The following NBAS variants were observed in gnomAD, a reference collection of about 807,000 sequenced individuals.
NBAS encodes the protein NAG/BC035112 fusion.
In NBAS, 219 loss-of-function variants were observed where a neutral mutation model predicts 302.5. The observed-to-expected ratio is 0.72, with a 90% CI of 0.65 to 0.81. NBAS has a LOEUF of 0.81. Among genes scored for constraint, NBAS ranks in the 30% least tolerant of loss-of-function variants. NBAS has a pLI of 0.00. For synonymous variants in NBAS, 1,118 were observed against 1,021.6 expected (o/e 1.09, Z -1.80); for missense variants, 2,932 against 2,841.6 (o/e 1.03, Z -0.72).
intron 6 of NBAS, among the ~76,000 whole-genome samples, chr2:15,549,212 G>A (rs746811396): frequency 1.3e-5 from 2 of 151,994 alleles, no homozygotes; most frequent in Non-Finnish European, 2.9e-5. Context: ...TAACTTGCCC[G>A]AGGTTACCAG....
At chr2:15,353,347 A>T (rs567545685) in intron 34 of NBAS, among the ~76,000 whole-genome samples, 1 of 152,288 alleles carries the variant, frequency 6.6e-6, no homozygotes, top group African/African-American at 2.4e-5. Flanking sequence ...GCTGTCTTGT[A>T]TCCTTTCTTC....
chr2:15,177,797 C>T (rs995571927), intron 51 of NBAS, among the ~76,000 whole-genome samples: 1 of 152,142 alleles, frequency 6.6e-6, no homozygotes, highest in Non-Finnish European at 1.5e-5. Context: ...GGGAGGGCTA[C>T]GGAAAGGCAA....
the NBAS span, among the ~76,000 whole-genome samples, chr2:15,036,913 G>C: frequency 6.6e-6 from 1 of 152,066 alleles, no homozygotes; most frequent in Non-Finnish European, 1.5e-5. Context: ...AGACTCCCTA[G>C]GGGATACCCT....
intron 44 of NBAS, among the ~76,000 whole-genome samples, chr2:15,270,312 G>C (rs1653764773): frequency 6.6e-6 from 1 of 152,056 alleles, no homozygotes; most frequent in Admixed American, 6.5e-5. Context: ...TTACAGGCAT[G>C]CGCCATCATG....
intron 51 of NBAS, among the ~76,000 whole-genome samples, chr2:15,170,159 T>A (rs950487711): frequency 3.3e-5 from 5 of 152,316 alleles, no homozygotes; most frequent in African/African-American, 9.6e-5. Flanking sequence ...GAGGTAGTGA[T>A]GGATTCTTCC....
At chr2:15,160,586 G>A in the NBAS span, among the ~76,000 whole-genome samples, 5 of 127,788 alleles carry the variant, frequency 3.9e-5, no homozygotes, top group Admixed American at 7.6e-5. Context: ...CAGTGTGGGC[G>A]GGGGGAGGGG....
intron 32 of NBAS, among the ~76,000 whole-genome samples, chr2:15,357,690 A>AAT (rs1208734188): frequency 2.6e-5 from 4 of 152,192 alleles, no homozygotes; most frequent in East Asian, 3.9e-4. Context: ...CACACAGATG[A>AAT]ATATATATAT....
chr2:15,270,354 G>A (rs535631381), intron 44 of NBAS, among the ~76,000 whole-genome samples: 2 of 151,958 alleles, frequency 1.3e-5, no homozygotes, highest in African/African-American at 4.8e-5. Flanking sequence ...TAGTAGAGAC[G>A]GGGTTTCACC....
At chr2:14,897,975 G>A in the NBAS span, among the ~76,000 whole-genome samples, 1 of 152,178 alleles carries the variant, frequency 6.6e-6, no homozygotes, top group Non-Finnish European at 1.5e-5. Flanking sequence ...GAGGTGGGGA[G>A]CAATGCTGAG....
At chr2:14,878,646 T>C in the NBAS span, among the ~76,000 whole-genome samples, 1 of 152,192 alleles carries the variant, frequency 6.6e-6, no homozygotes, top group Admixed American at 6.5e-5. Flanking sequence ...AAGTAGACTC[T>C]ATTTTTAGAT....
At chr2:14,844,718 G>T in the NBAS span, among the ~76,000 whole-genome samples, 282 of 152,240 alleles carry the variant, frequency 1.9e-3, no homozygotes, top group African/African-American at 6.4e-3. Flanking sequence ...ACTACAAGCT[G>T]GCTGAAGAGT....
the NBAS span, among the ~76,000 whole-genome samples, chr2:14,811,042 A>G: frequency 6.6e-6 from 1 of 152,174 alleles, no homozygotes; most frequent in Non-Finnish European, 1.5e-5. Context: ...CCTGACATGG[A>G]GTGGGACTTA....
intron 35 of NBAS, among the ~76,000 whole-genome samples, chr2:15,340,840 A>G (rs1672814117): frequency 6.6e-6 from 1 of 152,166 alleles, no homozygotes; most frequent in African/African-American, 2.4e-5. Flanking sequence ...TTATAGGTCA[A>G]ATAAAACAAA....
intron 8 of NBAS, 94 bp from the exon 9 acceptor site, chr2:15,534,735 A>C (rs1320250860): frequency 1.0e-6 from 1 of 962,492 alleles, no homozygotes; most frequent in East Asian, 2.4e-5. Context: ...TAAAAGACAG[A>C]CAATACCAAA....
the NBAS span, among the ~76,000 whole-genome samples, chr2:14,979,585 G>C: frequency 6.6e-6 from 1 of 152,142 alleles, no homozygotes; most frequent in Non-Finnish European, 1.5e-5. Context: ...TGGGATTCAC[G>C]ACCAGATATT....
chr2:15,242,667 G>A (rs1205492602), intron 44 of NBAS, among the ~76,000 whole-genome samples: 2 of 151,256 alleles, frequency 1.3e-5, no homozygotes, highest in South Asian at 4.2e-4. Flanking sequence ...TTTCTTTACT[G>A]TATCTAGTGG....
chr2:15,274,184 G>T (rs956197249), intron 44 of NBAS, among the ~76,000 whole-genome samples: 1 of 152,126 alleles, frequency 6.6e-6, no homozygotes, highest in East Asian at 1.9e-4. Flanking sequence ...TATTACTAGG[G>T]TTGCAATAAT....
At chr2:15,107,608 A>G in the NBAS span, among the ~76,000 whole-genome samples, 1 of 152,174 alleles carries the variant, frequency 6.6e-6, no homozygotes, top group Non-Finnish European at 1.5e-5. Flanking sequence ...ACAAACCAAC[A>G]GAAGGAAGCA....
the NBAS span, among the ~76,000 whole-genome samples, chr2:14,996,169 C>A: frequency 2.0e-5 from 3 of 152,146 alleles, no homozygotes; most frequent in Admixed American, 1.3e-4. Context: ...ACAGAAGAGA[C>A]CCCATTGGGT....
Sources: gnomAD v4.1 joint callset for allele counts (sites outside exome capture counted in the v4.1 genomes callset) on GRCh38, gnomAD v4.1.1 for gene constraint, MANE v1.5 for transcripts, NCBI Gene and HGNC (gene_info 2026-07-23, HGNC 2026-07-21) for gene names.